The following SLC25A21 variants were observed in gnomAD, a reference collection of about 807,000 sequenced individuals.
The protein encoded by SLC25A21 is solute carrier family 25 member 21, also known as mitochondrial 2-oxodicarboxylate carrier.
SLC25A21 carries 47 observed loss-of-function variants against 43.8 expected under a neutral mutation model. The observed-to-expected ratio is 1.07, with a 90% CI of 0.85 to 1.37. The LOEUF is 1.37. Among genes scored for constraint, SLC25A21 ranks in the 40% most tolerant of loss-of-function variants. The pLI is 0.00. For missense variants in SLC25A21, 352 were observed against 350.2 expected, an observed-to-expected ratio of 1.00 and a Z score of -0.04; for synonymous variants, 131 against 121.3, an observed-to-expected ratio of 1.08 and a Z score of -0.52.
At chr14:36,984,616 T>C (rs924104312) in intron 1 of SLC25A21, among the ~76,000 whole-genome samples, 1 of 152,102 alleles carries the variant, frequency 6.6e-6, no homozygotes, top group Non-Finnish European at 1.5e-5. Flanking sequence ...GGTTTAAGCG[T>C]TTTGCTTTTT....
chr14:36,706,879 C>A (rs1381993593), intron 7 of SLC25A21, among the ~76,000 whole-genome samples: 1 of 152,160 alleles, frequency 6.6e-6, no homozygotes, highest in Non-Finnish European at 1.5e-5. Context: ...CCACCCCATC[C>A]AGAGTCACCA....
At chr14:37,134,161 T>C (rs940850106) in intron 1 of SLC25A21, among the ~76,000 whole-genome samples, 5 of 152,208 alleles carry the variant, frequency 3.3e-5, no homozygotes, top group Non-Finnish European at 5.9e-5. Flanking sequence ...ACAGTCTTGA[T>C]GAGGAGTATA....
intron 5 of SLC25A21, 106 bp from the exon 6 acceptor site, chr14:36,725,783 G>A (rs1884581086): frequency 1.8e-6 from 1 of 567,188 alleles, no homozygotes; most frequent in Non-Finnish European, 2.8e-6. Flanking sequence ...AGAGAATGGA[G>A]AAACCTACAT....
intron 3 of SLC25A21, among the ~76,000 whole-genome samples, chr14:36,750,474 A>G (rs928018539): frequency 6.6e-6 from 1 of 152,190 alleles, no homozygotes; most frequent in Non-Finnish European, 1.5e-5. Flanking sequence ...CAGGCCTGGT[A>G]TGACTGGTTT....
intron 1 of SLC25A21, among the ~76,000 whole-genome samples, chr14:37,091,154 G>T (rs1481830932): frequency 6.6e-6 from 1 of 152,110 alleles, no homozygotes; most frequent in Non-Finnish European, 1.5e-5. Flanking sequence ...TAGACAATGG[G>T]CCGGGTGCGG....
At chr14:36,885,855 T>C (rs1162278501) in intron 1 of SLC25A21, among the ~76,000 whole-genome samples, 1 of 152,206 alleles carries the variant, frequency 6.6e-6, no homozygotes, top group Non-Finnish European at 1.5e-5. Context: ...GTTTTCTTTT[T>C]ATCAGGCCCA....
intron 6 of SLC25A21, among the ~76,000 whole-genome samples, chr14:36,718,591 A>G (rs1049830244): frequency 6.6e-6 from 1 of 152,216 alleles, no homozygotes; most frequent in Admixed American, 6.5e-5. Context: ...TCTATGTAAT[A>G]TAAGTTTAAA....
Position 36,874,966 on chromosome 14 carries a change from C to T in SLC25A21, c.109G>A (p.Val37Met). The change falls in exon 2 of 10, where the codon GTG becomes ATG. Residue 37 changes from valine to methionine, a missense_variant. Transcript: ENST00000331299. Reference sequence around the variant, plus strand: ...CATGCAGAACCTTACCTGGTTTTCACCACATCTAGGGGGTGCATCAGGCAA... The same window carrying T: ...CATGCAGAACCTTACCTGGTTTTCATCACATCTAGGGGGTGCATCAGGCAA... ...EICLMHPLDV[V>M]KTRFQIQRCA... 1 of 1,609,542 alleles carries T rather than the reference C, an allele frequency of 6.2e-7. No individual in the cohort carries two copies. Among genetic ancestry groups the T allele is most frequent in the Non-Finnish European group, 8.5e-7 (1 of 1,177,880 alleles).
chr14:36,682,462 C>T (rs1882321108), intron 9 of SLC25A21, among the ~76,000 whole-genome samples: 1 of 152,172 alleles, frequency 6.6e-6, no homozygotes, highest in Admixed American at 6.5e-5. Flanking sequence ...CAAACATTTG[C>T]AAGCCTCTAA....
intron 3 of SLC25A21, among the ~76,000 whole-genome samples, chr14:36,782,709 A>G (rs1348547687): frequency 4.6e-5 from 7 of 150,628 alleles, no homozygotes; most frequent in Non-Finnish European, 1.0e-4. Context: ...AGAACAAAAA[A>G]CCAAACACCG....
At chr14:37,068,547 T>G (rs17106189) in intron 1 of SLC25A21, among the ~76,000 whole-genome samples, 4,660 of 152,306 alleles carry the variant, frequency 0.031, 258 homozygotes, top group East Asian at 0.26. Flanking sequence ...ATCACATAGC[T>G]ATACTGAACC....
chr14:37,128,520 G>GCC (rs1555348843), intron 1 of SLC25A21, among the ~76,000 whole-genome samples: 18 of 134,588 alleles, frequency 1.3e-4, no homozygotes, highest in South Asian at 2.6e-4. Context: ...ATTACTTTCT[G>GCC]TCTCTCTCTC....
chr14:36,929,741 A>G (rs1430189987), intron 1 of SLC25A21, among the ~76,000 whole-genome samples: 1 of 152,188 alleles, frequency 6.6e-6, no homozygotes, highest in Non-Finnish European at 1.5e-5. Flanking sequence ...AAAAGGTGGT[A>G]CTATAGCTCG....
At chr14:37,055,694 C>T (rs1272237892) in intron 1 of SLC25A21, among the ~76,000 whole-genome samples, 1 of 152,150 alleles carries the variant, frequency 6.6e-6, no homozygotes, top group Non-Finnish European at 1.5e-5. Context: ...CCCACCAAGG[C>T]CCCAGACATG....
chr14:36,912,321 T>C (rs1319617548), intron 1 of SLC25A21, among the ~76,000 whole-genome samples: 1 of 152,198 alleles, frequency 6.6e-6, no homozygotes, highest in African/African-American at 2.4e-5. Flanking sequence ...GAGAATGGGA[T>C]GTACCAGGAA....
chr14:36,815,757 C>T (rs1408968), intron 2 of SLC25A21, among the ~76,000 whole-genome samples: 3 of 151,862 alleles, frequency 2.0e-5, no homozygotes, highest in East Asian at 1.9e-4. Flanking sequence ...TCATTTCTCC[C>T]GTACCTGAGT....
chr14:36,999,429 C>G lies in SLC25A21; in HGVS notation c.71-124425G>C, dbSNP rs149069111. ...AGTGATTTTAGGGCAGTGAAAATCT[C>G]TGTATGTTTGGATACATAACATTAT... is the stretch of plus-strand genomic sequence containing the variant. On this transcript the variant is annotated intron_variant, in intron 1 of 9. Transcript: ENST00000331299. Among the ~76,000 whole-genome samples the G allele has an allele frequency of 2.0e-3, 306 of 152,178 alleles. 1 individual carries two copies. The highest frequency in any genetic ancestry group is 0.015 in the East Asian group (77 of 5,158).
intron 1 of SLC25A21, among the ~76,000 whole-genome samples, chr14:37,024,426 C>T (rs776191675): frequency 1.3e-5 from 2 of 151,782 alleles, no homozygotes; most frequent in Non-Finnish European, 2.9e-5. Flanking sequence ...AAGAGCACAC[C>T]CCACTAATAG....
intron 1 of SLC25A21, among the ~76,000 whole-genome samples, chr14:37,086,454 A>T (rs1278258634): frequency 6.6e-6 from 1 of 152,148 alleles, no homozygotes; most frequent in Non-Finnish European, 1.5e-5. Context: ...AACATAATGA[A>T]ATATTCTTTG....
Sources: allele counts gnomAD v4.1 joint callset (sites outside exome capture counted in the v4.1 genomes callset), GRCh38; gene constraint gnomAD v4.1.1; transcripts MANE v1.5; gene names NCBI Gene and HGNC (gene_info 2026-07-23, HGNC 2026-07-21).